AVEN: variants seen among roughly 807,000 people sequenced by gnomAD.
AVEN encodes the protein apoptosis and caspase activation inhibitor.
Under a neutral mutation model 38.1 loss-of-function variants are expected in AVEN, and 41 were observed. That is an observed-to-expected ratio of 1.08 (90% confidence interval 0.84 to 1.40). AVEN has a LOEUF of 1.40. Among genes scored for constraint, AVEN ranks in the 40% most tolerant of loss-of-function variants. The pLI, the probability that AVEN is intolerant of heterozygous loss-of-function variation, is 0.00. For synonymous variants in AVEN, 206 were observed against 171.8 expected (o/e 1.20, Z -1.56); for missense variants, 605 against 438.8 (o/e 1.38, Z -3.38).
At chr15:33,883,284 G>C (rs1891566897) in intron 2 of AVEN, among the ~76,000 whole-genome samples, 1 of 152,190 alleles carries the variant, frequency 6.6e-6, no homozygotes, top group African/African-American at 2.4e-5. Context: ...GCTGACGGTG[G>C]TCAGAAATCA....
chr15:33,857,160 G>A (rs1377749300), downstream of AVEN, among the ~76,000 whole-genome samples: 1 of 152,118 alleles, frequency 6.6e-6, no homozygotes, highest in Non-Finnish European at 1.5e-5. Flanking sequence ...CCAGAACGAA[G>A]TACTACAGAC....
At chr15:34,000,187 C>T (rs1183156276) in intron 2 of AVEN, among the ~76,000 whole-genome samples, 1 of 152,144 alleles carries the variant, frequency 6.6e-6, no homozygotes, top group South Asian at 2.1e-4. Context: ...TGGTTAACAG[C>T]CCTTCCTCAT....
At chr15:33,905,150 A>C (rs1016698040) in intron 2 of AVEN, among the ~76,000 whole-genome samples, 3 of 114,336 alleles carry the variant, frequency 2.6e-5, no homozygotes, top group East Asian at 5.6e-4. Flanking sequence ...AAAAAAAAAA[A>C]AAAACTACTT....
intron 11 of AVEN, chr15:33,860,580 T>C (rs1233061068): frequency 8.4e-6 from 13 of 1,551,062 alleles, no homozygotes; most frequent in Non-Finnish European, 1.1e-5. Context: ...TTTGTCTTTG[T>C]ATTTAACATT....
chr15:33,976,451 T>A (rs1895892600), intron 2 of AVEN, among the ~76,000 whole-genome samples: 1 of 125,516 alleles, frequency 8.0e-6, no homozygotes, highest in Non-Finnish European at 1.7e-5. Context: ...CCAATACCCA[T>A]GGACTTATTA....
downstream of AVEN, chr15:33,854,849 C>A: frequency 6.2e-7 from 1 of 1,613,852 alleles, no homozygotes; most frequent in South Asian, 1.1e-5. Flanking sequence ...ACCTATTGGA[C>A]ATCGCAATGG....
intron 2 of AVEN, among the ~76,000 whole-genome samples, chr15:33,982,873 A>T (rs180801847): frequency 2.0e-4 from 30 of 151,808 alleles, no homozygotes; most frequent in Admixed American, 2.0e-3. Flanking sequence ...AATTATCCCA[A>T]CTTCTGAGGG....
chr15:33,969,997 A>G (rs1895562916), intron 2 of AVEN, among the ~76,000 whole-genome samples: 1 of 152,122 alleles, frequency 6.6e-6, no homozygotes, highest in East Asian at 1.9e-4. Flanking sequence ...TCCCAACCAC[A>G]TTGGTTTTCA....
At chr15:33,914,935 A>G (rs1357954519) in intron 2 of AVEN, among the ~76,000 whole-genome samples, 2 of 152,228 alleles carry the variant, frequency 1.3e-5, no homozygotes, top group East Asian at 3.9e-4. Context: ...AACCATTTGC[A>G]CTAAAAGGAA....
intron 2 of AVEN, among the ~76,000 whole-genome samples, chr15:33,967,700 CTG>C (rs1895445172): frequency 6.6e-6 from 1 of 151,648 alleles, no homozygotes; most frequent in African/African-American, 2.4e-5. Flanking sequence ...AAATTTTAAA[CTG>C]AAGTGCAGTT....
chr15:33,880,786 C>T (rs545323544), intron 2 of AVEN, among the ~76,000 whole-genome samples: 1 of 152,186 alleles, frequency 6.6e-6, no homozygotes, highest in South Asian at 2.1e-4. Context: ...AAAAGATCCA[C>T]AGAGATTAAG....
At chr15:34,018,971 G>A (rs1215960968) in intron 1 of AVEN, among the ~76,000 whole-genome samples, 1 of 152,008 alleles carries the variant, frequency 6.6e-6, no homozygotes, top group Non-Finnish European at 1.5e-5. Context: ...AGTGCTGATT[G>A]GTGTGTTTTT....
chr15:34,011,782 T>G, intron 1 of AVEN, among the ~76,000 whole-genome samples: 1 of 152,182 alleles, frequency 6.6e-6, no homozygotes, highest in Middle Eastern at 3.2e-3. Context: ...CGGCTAAAAC[T>G]GGAAGGCACA....
intron 2 of AVEN, among the ~76,000 whole-genome samples, chr15:33,914,265 AAAGG>A (rs1274042106): frequency 1.3e-5 from 2 of 152,180 alleles, no homozygotes; most frequent in African/African-American, 4.8e-5. Context: ...AACACACTGA[AAAGG>A]AAGAGCCATG....
At chr15:33,889,135 A>C (rs1891830107) in intron 2 of AVEN, among the ~76,000 whole-genome samples, 1 of 152,226 alleles carries the variant, frequency 6.6e-6, no homozygotes, top group South Asian at 2.1e-4. Context: ...TTATCATTTA[A>C]TATTTTGAAC....
chr15:33,948,953 G>C (rs547361251), intron 2 of AVEN, among the ~76,000 whole-genome samples: 1 of 152,144 alleles, frequency 6.6e-6, no homozygotes, highest in African/African-American at 2.4e-5. Context: ...GATTACAGGC[G>C]TGAGCCACCG....
chr15:33,882,455 T>C (rs1348726787), intron 2 of AVEN, among the ~76,000 whole-genome samples: 2 of 152,200 alleles, frequency 1.3e-5, no homozygotes, highest in Non-Finnish European at 2.9e-5. Context: ...TGAGACAATT[T>C]TGTTGTATTT....
At chr15:34,021,862 A>AAAAT (rs1898217469) in intron 1 of AVEN, among the ~76,000 whole-genome samples, 3 of 152,062 alleles carry the variant, frequency 2.0e-5, no homozygotes, top group African/African-American at 4.8e-5. Flanking sequence ...TCTCAAAAAT[A>AAAAT]AAAATAAAAT....
chr15:33,983,160 ATG>A (rs1491327104), intron 2 of AVEN, among the ~76,000 whole-genome samples: 71 of 64,584 alleles, frequency 1.1e-3, no homozygotes, highest in Admixed American at 4.0e-3. Context: ...GTGTGTGTGT[ATG>A]TGTGTGTGTA....
Sources: gnomAD v4.1 joint callset for allele counts (sites outside exome capture counted in the v4.1 genomes callset) on GRCh38, gnomAD v4.1.1 for gene constraint, MANE v1.5 for transcripts, NCBI Gene and HGNC (gene_info 2026-07-23, HGNC 2026-07-21) for gene names.